The following STOX2 variants were observed in gnomAD, a reference collection of about 807,000 sequenced individuals.
STOX2 encodes storkhead-box protein 2.
STOX2 carries 28 observed loss-of-function variants against 60.9 expected under a neutral mutation model. That is an observed-to-expected ratio of 0.46 (90% CI 0.34 to 0.63). The LOEUF (loss-of-function observed/expected upper bound fraction) is 0.63, where lower values mean the gene tolerates loss of function less well. STOX2 is among the 30% of genes least tolerant of loss of function. The pLI is 0.01. For missense variants in STOX2, 1,024 were observed against 1,187.7 expected (o/e 0.86, Z 2.03); for synonymous variants, 472 against 463.9 (o/e 1.02, Z -0.22).
intron 1 of STOX2, among the ~76,000 whole-genome samples, chr4:183,934,315 A>G (rs34387793): frequency 0.24 from 35,761 of 151,908 alleles, 7,679 homozygotes; most frequent in African/African-American, 0.57. Flanking sequence ...AAAAATAAAA[A>G]ATAAAATAAA....
chr4:183,867,848 T>A (rs1256885654), intron 1 of STOX2, among the ~76,000 whole-genome samples: 1 of 152,202 alleles, frequency 6.6e-6, no homozygotes, highest in Non-Finnish European at 1.5e-5. Flanking sequence ...CAGACAGGAA[T>A]GCAATTCACT....
intron 1 of STOX2, among the ~76,000 whole-genome samples, chr4:183,851,500 T>G (rs1740136709): frequency 2.4e-5 from 1 of 41,062 alleles, no homozygotes; most frequent in African/African-American, 1.1e-4. Context: ...AGGGAAAGGA[T>G]GAGGGAAAGG....
intron 1 of STOX2, among the ~76,000 whole-genome samples, chr4:183,923,715 G>A (rs1056044766): frequency 6.6e-6 from 1 of 152,188 alleles, no homozygotes; most frequent in African/African-American, 2.4e-5. Context: ...CCCTTCCCAA[G>A]TTGCTTAAAA....
chr4:183,820,605 C>G (rs566269510), intron 1 of STOX2, among the ~76,000 whole-genome samples: 2 of 152,170 alleles, frequency 1.3e-5, no homozygotes, highest in African/African-American at 2.4e-5. Flanking sequence ...TTCTTTTGAT[C>G]TGTCTGCTTA....
At chr4:183,918,421 G>C (rs1741993142) in intron 1 of STOX2, among the ~76,000 whole-genome samples, 1 of 152,170 alleles carries the variant, frequency 6.6e-6, no homozygotes, top group Non-Finnish European at 1.5e-5. Flanking sequence ...CATATAATCA[G>C]ACATAGCTTA....
chr4:183,953,237 T>G (rs1743146662), intron 1 of STOX2, among the ~76,000 whole-genome samples: 1 of 151,992 alleles, frequency 6.6e-6, no homozygotes, highest in South Asian at 2.1e-4. Flanking sequence ...CCACAAAACT[T>G]TTTTTTTAAA....
At chr4:183,946,773 G>A (rs1483943490) in intron 1 of STOX2, among the ~76,000 whole-genome samples, 5 of 151,866 alleles carry the variant, frequency 3.3e-5, no homozygotes, top group Admixed American at 2.0e-4. Flanking sequence ...TTACAGGTGC[G>A]TGCCACCACA....
intron 1 of STOX2, among the ~76,000 whole-genome samples, chr4:183,892,256 C>T (rs1376242362): frequency 6.6e-6 from 1 of 152,210 alleles, no homozygotes; most frequent in Non-Finnish European, 1.5e-5. Context: ...CACACAACAC[C>T]GTATGGAGCC....
chr4:183,980,189 G>T (rs1238250705), intron 1 of STOX2, among the ~76,000 whole-genome samples: 2 of 152,118 alleles, frequency 1.3e-5, no homozygotes, highest in Non-Finnish European at 2.9e-5. Context: ...AAAAATGCAT[G>T]ATCCAACTTC....
intron 1 of STOX2, among the ~76,000 whole-genome samples, chr4:183,911,324 A>T (rs1175742560): frequency 6.6e-6 from 1 of 152,218 alleles, no homozygotes; most frequent in Non-Finnish European, 1.5e-5. Context: ...GGGGGAAGAA[A>T]TAAATGAAGA....
At chr4:183,892,239 G>A (rs1741234141) in intron 1 of STOX2, among the ~76,000 whole-genome samples, 1 of 152,168 alleles carries the variant, frequency 6.6e-6, no homozygotes, top group Admixed American at 6.5e-5. Context: ...GGGAAACCCT[G>A]AGGCTGCACA....
intron 1 of STOX2, among the ~76,000 whole-genome samples, chr4:183,833,137 G>T (rs1023795081): frequency 6.6e-6 from 1 of 152,186 alleles, no homozygotes; most frequent in Non-Finnish European, 1.5e-5. Flanking sequence ...GTTCTTAATC[G>T]TCTTTCTAAA....
chr4:183,845,477 C>T (rs1739964338), intron 1 of STOX2, among the ~76,000 whole-genome samples: 1 of 152,100 alleles, frequency 6.6e-6, no homozygotes, highest in Non-Finnish European at 1.5e-5. Context: ...TCTTTGATGC[C>T]AGGCCATAAA....
At chr4:183,863,372 G>A (rs1740494660) in intron 1 of STOX2, among the ~76,000 whole-genome samples, 1 of 152,216 alleles carries the variant, frequency 6.6e-6, no homozygotes, top group Admixed American at 6.5e-5. Flanking sequence ...TGAGAGAGCT[G>A]CTATAGAGTG....
In STOX2 at chr4:184,000,809, G is replaced by A. The variant is rs140624241; in HGVS notation, c.167-516G>A. Among the ~76,000 whole-genome samples, 367 of 152,324 alleles carry A rather than the reference G, an allele frequency of 2.4e-3. 2 individuals are homozygous for A. In the Middle Eastern group the frequency reaches 0.037, roughly 16 times the overall value. ...CCTGCCACGCAGCATTGCGAACTTC[G>A]TTCGATCTACTTGTCTGTCTTCTCC... On this transcript the variant is annotated intron_variant, in intron 1 of 3. Coordinates refer to ENST00000308497, the MANE Select transcript of STOX2 (RefSeq NM_020225.3).
chr4:183,912,985 A>G (rs1391882440), intron 1 of STOX2, among the ~76,000 whole-genome samples: 5 of 152,218 alleles, frequency 3.3e-5, no homozygotes, highest in African/African-American at 7.2e-5. Flanking sequence ...AAAGTACTAA[A>G]TAATAGGATA....
At chr4:183,826,030 A>T (rs1739423310) in intron 1 of STOX2, among the ~76,000 whole-genome samples, 1 of 152,044 alleles carries the variant, frequency 6.6e-6, no homozygotes. Flanking sequence ...CTCAGTTTTT[A>T]GTGCACAACA....
chr4:183,832,416 ATACT>A (rs1312490307), intron 1 of STOX2, among the ~76,000 whole-genome samples: 1 of 151,704 alleles, frequency 6.6e-6, no homozygotes, highest in East Asian at 1.9e-4. Context: ...AAGGAATGTA[ATACT>A]TCATCCAGTT....
intron 1 of STOX2, among the ~76,000 whole-genome samples, chr4:183,894,833 C>T (rs921549126): frequency 6.6e-6 from 1 of 152,136 alleles, no homozygotes; most frequent in African/African-American, 2.4e-5. Flanking sequence ...TTAACTCTCT[C>T]GGTCTCTTGC....
Sources: allele counts gnomAD v4.1 joint callset (sites outside exome capture counted in the v4.1 genomes callset), GRCh38; gene constraint gnomAD v4.1.1; transcripts MANE v1.5; gene names NCBI Gene and HGNC (gene_info 2026-07-23, HGNC 2026-07-21).